R3HDM2: variants seen among roughly 807,000 people sequenced by gnomAD.
The protein encoded by R3HDM2 is R3H domain containing 2, also known as R3H domain-containing protein 2.
In R3HDM2, 38 loss-of-function variants were observed where a neutral mutation model predicts 124.5. That is an observed-to-expected ratio of 0.31 (90% confidence interval 0.24 to 0.40). The LOEUF (loss-of-function observed/expected upper bound fraction) is 0.40. R3HDM2 is among the 10% of genes least tolerant of loss of function. R3HDM2 has a pLI of 1.00. For synonymous variants in R3HDM2, 391 were observed against 448.0 expected (o/e 0.87, Z 1.61); for missense variants, 869 against 1,236.9 (o/e 0.70, Z 4.46).
chr12:57,355,316 G>A (rs1348295919), intron 2 of R3HDM2, among the ~76,000 whole-genome samples: 5 of 151,534 alleles, frequency 3.3e-5, no homozygotes, highest in Non-Finnish European at 2.9e-5. Context: ...AAAATTAGCC[G>A]GGCGTAGTGG....
At chr12:57,398,558 G>A (rs867796969) in intron 1 of R3HDM2, among the ~76,000 whole-genome samples, 14 of 150,256 alleles carry the variant, frequency 9.3e-5, no homozygotes, top group East Asian at 2.0e-4. Flanking sequence ...GCGTGATCTC[G>A]GCTCACTGCA....
In R3HDM2 at chr12:57,297,403, T is replaced by G. The variant is rs2050116797; in HGVS notation, c.501-16A>C. The G allele has an allele frequency of 6.7e-7, 1 of 1,490,444 alleles. No homozygotes were observed. The highest frequency in any genetic ancestry group is 2.1e-5 in the Admixed American group (1 of 48,122). The allele number at this position is 1,490,444 out of a possible 1,614,324, so 92.3% of individuals were successfully genotyped here. On this transcript the variant is annotated splice_polypyrimidine_tract_variant and intron_variant, in intron 7 of 23. Coordinates refer to ENST00000402412, the MANE Select transcript of R3HDM2 (RefSeq NM_001394031.1). ...CATTCTGTCCCTGTTTAAAAAAGAT[T>G]AAAACAAAACAAAACAAAACAAAAA...
chr12:57,337,649 C>G (rs909678689), intron 2 of R3HDM2, among the ~76,000 whole-genome samples: 2 of 152,142 alleles, frequency 1.3e-5, no homozygotes, highest in Non-Finnish European at 2.9e-5. Context: ...ACATTGCACT[C>G]TAGTTCTATA....
chr12:57,398,486 TTCTC>T (rs956736461), intron 1 of R3HDM2, among the ~76,000 whole-genome samples: 48 of 151,988 alleles, frequency 3.2e-4, no homozygotes, highest in African/African-American at 1.1e-3. Context: ...CTCTCTTCCT[TTCTC>T]TCTCTTTTTT....
rs1294392993 is a variant in R3HDM2, at chr12:57,254,329, C to T, written c.*444G>A. The stretch of plus-strand genomic sequence containing the variant: ...CAGCCTGGCCAACATGGTGAAACTC[C>T]GTCTCTACTAAAAATACAAAAATTA... On this transcript the variant is annotated 3_prime_UTR_variant, in exon 24 of 24. Transcript: ENST00000402412. 17 of 422,060 alleles carry T rather than the reference C, an allele frequency of 4.0e-5. No individual in the cohort carries two copies. Among genetic ancestry groups the T allele is most frequent in the East Asian group, 7.2e-5 (1 of 13,886 alleles). The allele number at this position is 422,060 out of a possible 1,614,324, so 26.1% of individuals were successfully genotyped here.
chr12:57,314,946 C>T (rs1314931080), intron 2 of R3HDM2, among the ~76,000 whole-genome samples: 2 of 152,152 alleles, frequency 1.3e-5, no homozygotes, highest in Admixed American at 6.6e-5. Context: ...CAGCCTCAAC[C>T]TCCCCGGGCT....
intron 2 of R3HDM2, among the ~76,000 whole-genome samples, chr12:57,324,337 C>T (rs1164638048): frequency 3.9e-5 from 6 of 152,166 alleles, no homozygotes; most frequent in Non-Finnish European, 1.5e-5. Flanking sequence ...GTGTGCACCA[C>T]CACACCTGGC....
chr12:57,425,977 C>T lies in R3HDM2; in HGVS notation c.-106+4743G>A, dbSNP rs558901530. Among the ~76,000 whole-genome samples, 5 of 152,240 alleles carry T rather than the reference C, an allele frequency of 3.3e-5. No individual in the cohort carries two copies. The East Asian group carries it at 7.7e-4, about 24-fold the overall frequency. On this transcript the variant is annotated intron_variant, in intron 1 of 23. Coordinates refer to ENST00000402412, the MANE Select transcript of R3HDM2 (RefSeq NM_001394031.1). ...GCGCGGTGGCTCATGCCTGTAATCC[C>T]AGCACTTCGGGAGGCCGAGGCGGGC...
At chr12:57,286,994 C>T (rs1352699756) in intron 12 of R3HDM2, among the ~76,000 whole-genome samples, 1 of 152,162 alleles carries the variant, frequency 6.6e-6, no homozygotes, top group East Asian at 1.9e-4. Flanking sequence ...CTAATAAGAG[C>T]ATCATTCTAA....
At chr12:57,271,437 TACACAC>T (rs34695167) in intron 14 of R3HDM2, among the ~76,000 whole-genome samples, 6 of 149,418 alleles carry the variant, frequency 4.0e-5, no homozygotes, top group East Asian at 2.0e-4. Context: ...TGGACAGTAA[TACACAC>T]ACACACACAC....
intron 2 of R3HDM2, among the ~76,000 whole-genome samples, chr12:57,336,394 T>A (rs892272446): frequency 6.6e-6 from 1 of 152,156 alleles, no homozygotes; most frequent in African/African-American, 2.4e-5. Context: ...AAAGACGTGG[T>A]CGATTTAGGT....
intron 2 of R3HDM2, among the ~76,000 whole-genome samples, chr12:57,338,822 G>GGA (rs143852540): frequency 2.8e-4 from 42 of 149,410 alleles, no homozygotes; most frequent in African/African-American, 4.4e-4. Flanking sequence ...TTTTTCAAAG[G>GGA]GAGAGAGAGA....
chr12:57,377,302 G>GT (rs1175231081), intron 2 of R3HDM2, among the ~76,000 whole-genome samples: 1 of 151,896 alleles, frequency 6.6e-6, no homozygotes, highest in Non-Finnish European at 1.5e-5. Context: ...CCTTCTGCTT[G>GT]TAAGATAACA....
intron 12 of R3HDM2, among the ~76,000 whole-genome samples, chr12:57,286,938 C>T (rs2047486301): frequency 6.6e-6 from 1 of 152,060 alleles, no homozygotes; most frequent in South Asian, 2.1e-4. Flanking sequence ...GTAGATCCTT[C>T]AAGCTATTAT....
intron 1 of R3HDM2, 35 bp downstream of exon 1, chr12:57,430,685 G>C: frequency 1.4e-6 from 1 of 719,514 alleles, no homozygotes. Flanking sequence ...AGGCCGTCCG[G>C]GCCGCCCGCC....
At chr12:57,315,405 G>A (rs1165852234) in intron 2 of R3HDM2, among the ~76,000 whole-genome samples, 1 of 152,106 alleles carries the variant, frequency 6.6e-6, no homozygotes, top group African/African-American at 2.4e-5. Context: ...TCAAACTCCT[G>A]AGCTCAAGTG....
chr12:57,278,495 A>G (rs891154945), intron 14 of R3HDM2, among the ~76,000 whole-genome samples: 16 of 148,030 alleles, frequency 1.1e-4, no homozygotes. Flanking sequence ...CATTTTAGGG[A>G]AAAAAAAACC....
chr12:57,370,012 A>T (rs966798781), intron 2 of R3HDM2, among the ~76,000 whole-genome samples: 2 of 152,172 alleles, frequency 1.3e-5, no homozygotes, highest in Admixed American at 6.5e-5. Context: ...AAAGTTTCCT[A>T]AAAAATGTTA....
chr12:57,354,917 C>T (rs1007606432), intron 2 of R3HDM2, among the ~76,000 whole-genome samples: 4 of 151,808 alleles, frequency 2.6e-5, no homozygotes, highest in African/African-American at 9.7e-5. Flanking sequence ...CTCGACCTCT[C>T]AGACTCAAGC....
Sources: gnomAD v4.1 joint callset for allele counts (sites outside exome capture counted in the v4.1 genomes callset) on GRCh38, gnomAD v4.1.1 for gene constraint, MANE v1.5 for transcripts, NCBI Gene and HGNC (gene_info 2026-07-23, HGNC 2026-07-21) for gene names.